DYSF: variants seen among roughly 807,000 people sequenced by gnomAD.
The protein encoded by DYSF is dystrophy-associated fer-1-like 1.
DYSF carries 212 observed loss-of-function variants against 274.9 expected under a neutral mutation model. That is an observed-to-expected ratio of 0.77 (90% confidence interval 0.69 to 0.86). DYSF has a LOEUF of 0.86. Among genes scored for constraint, DYSF ranks in the 40% least tolerant of loss-of-function variants. DYSF has a pLI of 0.00. For missense variants in DYSF, 2,666 were observed against 2,783.2 expected (o/e 0.96, Z 0.95); for synonymous variants, 1,091 against 1,078.7 (o/e 1.01, Z -0.22).
At chr2:71,565,290 C>T (rs1290453723) in intron 24 of DYSF, among the ~76,000 whole-genome samples, 20 of 147,468 alleles carry the variant, frequency 1.4e-4, no homozygotes. Context: ...GGGGTTTCAC[C>T]ATGTTGGCCA....
chr2:71,648,734 C>T (rs1331331706), intron 42 of DYSF, among the ~76,000 whole-genome samples: 1 of 152,078 alleles, frequency 6.6e-6, no homozygotes, highest in African/African-American at 2.4e-5. Context: ...AGTCATACCT[C>T]CTCCCCACCT....
intron 1 of DYSF, among the ~76,000 whole-genome samples, chr2:71,469,843 C>T (rs1291851757): frequency 6.6e-6 from 1 of 152,166 alleles, no homozygotes; most frequent in Non-Finnish European, 1.5e-5. Flanking sequence ...AGCTTAATTT[C>T]CTATAGCATT....
chr2:71,574,505 C>G, intron 30 of DYSF, 134 bp downstream of exon 30: 2 of 1,105,240 alleles, frequency 1.8e-6, no homozygotes, highest in Admixed American at 5.4e-5. Flanking sequence ...GTCATCCTGG[C>G]GTCAGTACCT....
chr2:71,511,802 T>A lies in DYSF; in HGVS notation c.346-5T>A. On this transcript the variant is annotated splice_polypyrimidine_tract_variant and splice_region_variant and intron_variant, in intron 4 of 55. Transcript: ENST00000410020. ...AACCTGTCCCCCACGTCTCATCTCT[T>A]CCAGGCCTCGCTGGTCCTGCAGGTG... The A allele has an allele frequency of 6.5e-7, 1 of 1,545,640 alleles. No homozygotes were observed. Among genetic ancestry groups the A allele is most frequent in the Non-Finnish European group, 8.8e-7 (1 of 1,141,782 alleles).
intron 39 of DYSF, 104 bp downstream of exon 39, chr2:71,612,910 C>T (rs2093798925): frequency 7.2e-7 from 1 of 1,384,564 alleles, no homozygotes; most frequent in African/African-American, 1.4e-5. Flanking sequence ...CTTACGGAGA[C>T]CTGAATGAGA....
chr2:71,481,559 C>T (rs13400070), intron 2 of DYSF, among the ~76,000 whole-genome samples: 20,287 of 152,240 alleles, frequency 0.13, 1,857 homozygotes, highest in African/African-American at 0.25. Flanking sequence ...TTTTCCCAGC[C>T]ACACTCCTGG....
At chr2:71,572,400 C>T (rs780897946) in intron 29 of DYSF, among the ~76,000 whole-genome samples, 1 of 152,150 alleles carries the variant, frequency 6.6e-6, no homozygotes, top group Non-Finnish European at 1.5e-5. Flanking sequence ...CAGACACACT[C>T]AGATGCCCAT....
At chr2:71,471,118 T>C (rs898870657) in intron 1 of DYSF, among the ~76,000 whole-genome samples, 4 of 152,280 alleles carry the variant, frequency 2.6e-5, no homozygotes, top group East Asian at 3.9e-4. Context: ...ATAAACATAA[T>C]ATGTACTTGC....
intron 14 of DYSF, among the ~76,000 whole-genome samples, chr2:71,530,057 G>T (rs2088488960): frequency 6.6e-6 from 1 of 152,170 alleles, no homozygotes; most frequent in Non-Finnish European, 1.5e-5. Flanking sequence ...TTTTAAACTC[G>T]TTCATGTGGA....
chr2:71,589,468 C>A, intron 30 of DYSF, 125 bp from the exon 31 acceptor site: 2 of 775,576 alleles, frequency 2.6e-6, no homozygotes, highest in Non-Finnish European at 4.6e-6. Flanking sequence ...AAATTAGAGG[C>A]TGAGAGTTCA....
rs115279465 is a variant in DYSF at position 71,520,900 on chromosome 2, C to A, written c.1145C>A (p.Ala382Glu). 2 of 1,613,990 alleles carry A rather than the reference C, an allele frequency of 1.2e-6. No individual in the cohort carries two copies. Among genetic ancestry groups the A allele is most frequent in the Non-Finnish European group, 8.5e-7 (1 of 1,179,938 alleles). Reference sequence around the variant, plus strand: ...TGTGTGCTGGGGCCTGGGGACGAAGCGCCTGTGAGTACATTTCCCTGGGTC... The same window carrying A: ...TGTGTGCTGGGGCCTGGGGACGAAGAGCCTGTGAGTACATTTCCCTGGGTC... Reference protein sequence around the residue: ...SLCVLGPGDEAPLERKDPSED... With the variant: ...SLCVLGPGDEEPLERKDPSED... The change falls in exon 12 of 56, where the codon GCG becomes GAG. Residue 382 changes from alanine to glutamate, a missense_variant. Physicochemically the swap from Ala to Glu is moderately radical, Grantham distance 107. This residue lies in a region of DYSF where 794 missense variants were observed against 777.1 expected (regional missense o/e 1.02). Transcript: ENST00000410020.
At chr2:71,518,164 TC>T (rs2086854962) in intron 10 of DYSF, among the ~76,000 whole-genome samples, 1 of 152,030 alleles carries the variant, frequency 6.6e-6, no homozygotes, top group Non-Finnish European at 1.5e-5. Context: ...AAGTGAATAG[TC>T]CTCTTCTGAG....
At position 71,592,047 on chromosome 2, in the gene DYSF, A is replaced by G. The variant is rs1159221348; in HGVS notation, c.3574+1759A>G. On this transcript the variant is annotated intron_variant, in intron 32 of 55. Transcript: ENST00000410020. ...CTGACGATTAGAACTTACTCTGAGA[A>G]AAAGGACATGGACGAGTTTATAGCC... Among the ~76,000 whole-genome samples the G allele has an allele frequency of 2.6e-5, 4 of 152,246 alleles. No individual in the cohort carries two copies. The South Asian group carries it at 8.3e-4, about 31-fold the overall frequency.
At chr2:71,458,050 C>T (rs2081142025) in intron 1 of DYSF, among the ~76,000 whole-genome samples, 1 of 152,156 alleles carries the variant, frequency 6.6e-6, no homozygotes. Flanking sequence ...ATCTTGAACT[C>T]GGGATCCCAG....
chr2:71,622,651 C>T (rs1368791156), intron 41 of DYSF, among the ~76,000 whole-genome samples: 2 of 151,952 alleles, frequency 1.3e-5, no homozygotes, highest in South Asian at 2.1e-4. Flanking sequence ...AGTCTTGCTC[C>T]GTTGCCCAGG....
intron 9 of DYSF, among the ~76,000 whole-genome samples, 200 bp downstream of exon 9, chr2:71,516,442 G>T (rs2086665880): frequency 6.6e-6 from 1 of 152,202 alleles, no homozygotes; most frequent in Non-Finnish European, 1.5e-5. Flanking sequence ...GGATGATGTG[G>T]AGTAACTCAC....
intron 51 of DYSF, 108 bp from the exon 52 acceptor site, chr2:71,674,089 A>C: frequency 1.1e-6 from 1 of 936,518 alleles, no homozygotes; most frequent in Non-Finnish European, 1.7e-6. Flanking sequence ...TCCCTTGGGG[A>C]CATCCTACTC....
chr2:71,615,649 C>T lies in DYSF; in HGVS notation c.4464+2239C>T, dbSNP rs1280138405. 1.3e-5 allele frequency among the ~76,000 whole-genome samples: 2 copies of T among 152,238 alleles called. No individual in the cohort carries two copies. Among genetic ancestry groups the T allele is most frequent in the Non-Finnish European group, 1.5e-5 (1 of 68,042 alleles). On this transcript the variant is annotated intron_variant, in intron 40 of 55. Coordinates refer to ENST00000410020, the MANE Select transcript of DYSF (RefSeq NM_001130987.2). The surrounding 1 kb of genome is among the most constrained non-coding windows in gnomAD (Gnocchi z 4.9). ...TCGCCTCTCCTCCCTGTCCCTGGCA[C>T]TCTGAAGGACAGGCGCTCCAAGGCC...
At chr2:71,552,962 G>C (rs759238211) in intron 19 of DYSF, 49 bp from the exon 20 acceptor site, 1 of 1,604,128 alleles carries the variant, frequency 6.2e-7, no homozygotes, top group South Asian at 1.1e-5. Flanking sequence ...CAGCCTGGGT[G>C]CCTTTCTTTG....
Sources: allele counts gnomAD v4.1 joint callset (sites outside exome capture counted in the v4.1 genomes callset), GRCh38; gene constraint gnomAD v4.1.1; regional missense constraint gnomAD v4.1.1; non-coding constraint Gnocchi (gnomAD v3.1); transcripts MANE v1.5; gene names NCBI Gene and HGNC (gene_info 2026-07-23, HGNC 2026-07-21).